Variants in AEBP2 observed in about 807,000 individuals in gnomAD.
AEBP2 encodes zinc finger protein AEBP2.
In AEBP2, 10 loss-of-function variants were observed where a neutral mutation model predicts 50.8. That is an observed-to-expected ratio of 0.20 (90% CI 0.12 to 0.33). AEBP2 has a LOEUF of 0.33. Among genes scored for constraint, AEBP2 ranks in the 10% least tolerant of loss-of-function variants. The pLI is 1.00. For missense variants in AEBP2, 570 were observed against 688.0 expected, an observed-to-expected ratio of 0.83 and a Z score of 1.92; for synonymous variants, 296 against 261.3, an observed-to-expected ratio of 1.13 and a Z score of -1.28.
chr12:19,494,558 A>G (rs535105665), intron 4 of AEBP2, among the ~76,000 whole-genome samples: 206 of 148,350 alleles, frequency 1.4e-3, no homozygotes, highest in Middle Eastern at 3.5e-3. Flanking sequence ...CCGGAGTGCA[A>G]TGGCGTGAGA....
chr12:19,494,532 C>T (rs1400756479), intron 4 of AEBP2, among the ~76,000 whole-genome samples: 4 of 135,186 alleles, frequency 3.0e-5, no homozygotes, highest in East Asian at 2.2e-4. Flanking sequence ...GATGGAGTCT[C>T]GCTCTGTCAG....
intron 1 of AEBP2, among the ~76,000 whole-genome samples, chr12:19,428,705 T>C (rs766412637): frequency 4.0e-5 from 6 of 151,722 alleles, no homozygotes; most frequent in Non-Finnish European, 8.8e-5. Flanking sequence ...TCCAGCTACT[T>C]GGGAGGGTGA....
intron 3 of AEBP2, among the ~76,000 whole-genome samples, chr12:19,488,710 G>A (rs1948851913): frequency 6.6e-6 from 1 of 151,966 alleles, no homozygotes; most frequent in African/African-American, 2.4e-5. Context: ...GTATTGCTTC[G>A]TCCAAATAAA....
chr12:19,419,957 G>C (rs73071020), intron 1 of AEBP2, among the ~76,000 whole-genome samples: 2 of 151,730 alleles, frequency 1.3e-5, no homozygotes, highest in African/African-American at 4.8e-5. Context: ...TCCTTGGTAC[G>C]GTATCTATAT....
At chr12:19,451,641 T>C (rs1948167122) in intron 1 of AEBP2, among the ~76,000 whole-genome samples, 1 of 151,888 alleles carries the variant, frequency 6.6e-6, no homozygotes, top group Admixed American at 6.6e-5. Context: ...TGCTGTATAA[T>C]AAGAGGAGTT....
intron 3 of AEBP2, among the ~76,000 whole-genome samples, chr12:19,482,822 A>T (rs961469559): frequency 2.6e-5 from 4 of 151,860 alleles, no homozygotes; most frequent in African/African-American, 9.7e-5. Flanking sequence ...TCCATAGGGG[A>T]TTTTGGCTGC....
chr12:19,467,287 T>G (rs562483906), intron 2 of AEBP2, among the ~76,000 whole-genome samples: 44 of 152,010 alleles, frequency 2.9e-4, no homozygotes, highest in Non-Finnish European at 5.9e-4. Context: ...AAAGAGAGAA[T>G]CAAACCTATC....
In AEBP2 at chr12:19,471,900, G is replaced by A. The variant is rs554165275; in HGVS notation, c.880-1348G>A. 7.2e-4 allele frequency among the ~76,000 whole-genome samples: 109 copies of A among 152,124 alleles called. No individual in the cohort carries two copies. In the Middle Eastern group the frequency reaches 0.014, roughly 19 times the overall value. The stretch of plus-strand genomic sequence containing the variant: ...TTTTAAAAGTTACTTTTAACTCTGA[G>A]AACCTTGGCCATTAGTTTATAAACA... On this transcript the variant is annotated intron_variant, in intron 2 of 7. Coordinates refer to ENST00000266508, the MANE Select transcript of AEBP2 (RefSeq NM_153207.5).
intron 3 of AEBP2, among the ~76,000 whole-genome samples, chr12:19,489,631 T>C (rs372672103): frequency 2.9e-4 from 44 of 152,256 alleles, no homozygotes; most frequent in African/African-American, 1.0e-3. Flanking sequence ...ATAAAACATA[T>C]TTGAAAACTA....
intron 3 of AEBP2, among the ~76,000 whole-genome samples, chr12:19,474,919 A>G (rs1322714465): frequency 6.6e-6 from 1 of 151,972 alleles, no homozygotes; most frequent in African/African-American, 2.4e-5. Flanking sequence ...CAGCCTCCCG[A>G]GTAGCTGGGA....
intron 5 of AEBP2, chr12:19,509,046 T>A (rs953649462): frequency 8.4e-6 from 5 of 592,288 alleles, no homozygotes; most frequent in Admixed American, 7.7e-5. Context: ...GCATGTGGCA[T>A]GTGCCCAGGC....
intron 1 of AEBP2, chr12:19,413,584 TAAAA>T (rs143959261): frequency 1.7e-6 from 1 of 600,564 alleles, no homozygotes; most frequent in Non-Finnish European, 3.0e-6. Flanking sequence ...TTATGCAAAA[TAAAA>T]AAAAAGAAAT....
At position 19,519,911 on chromosome 12, in the gene AEBP2, A is replaced by AT. The variant is rs1565742436; in HGVS notation, c.*1796dup. ...TCTGGAATGGTTGTTTAATAAGGGT[A>AT]TTATCCATTTGATCTATAGCAATGT... On this transcript the variant is annotated 3_prime_UTR_variant, in exon 8 of 8. Transcript: ENST00000266508. 6.6e-6 allele frequency: 1 copy of AT among 152,470 alleles called. No individual in the cohort carries two copies. The highest frequency in any genetic ancestry group is 1.9e-4 in the East Asian group (1 of 5,202). 9.4% of individuals were successfully genotyped at this position (152,470 alleles called of 1,614,324 possible). A position where few individuals can be genotyped will look rare whatever the true frequency, so the allele number is the denominator to read the frequency against.
chr12:19,518,217 T>C lies in AEBP2; in HGVS notation c.*100T>C. On this transcript the variant is annotated 3_prime_UTR_variant, in exon 8 of 8. Coordinates refer to ENST00000266508, the MANE Select transcript of AEBP2 (RefSeq NM_153207.5). ...AAGTTGCACATTAGAGTCAACCCCT[T>C]CTTTTTTTTTTTTTTTTTTTTAAAT... 2 of 1,294,566 alleles carry C rather than the reference T, an allele frequency of 1.5e-6. No homozygotes were observed. The highest frequency in any genetic ancestry group is 2.2e-5 in the South Asian group (1 of 46,382). 80.2% of individuals were successfully genotyped at this position (1,294,566 alleles called of 1,614,324 possible). A position where few individuals can be genotyped will look rare whatever the true frequency, so the allele number is the denominator to read the frequency against.
At chr12:19,513,860 A>G (rs1949273341) in intron 6 of AEBP2, among the ~76,000 whole-genome samples, 1 of 146,408 alleles carries the variant, frequency 6.8e-6, no homozygotes, top group South Asian at 2.2e-4. Flanking sequence ...GTAGAGTTGA[A>G]TTTCTTTGAA....
intron 3 of AEBP2, among the ~76,000 whole-genome samples, chr12:19,478,888 C>T (rs1221758042): frequency 6.6e-6 from 1 of 152,012 alleles, no homozygotes; most frequent in Non-Finnish European, 1.5e-5. Flanking sequence ...TGTGACCTAT[C>T]ATATGGTCTA....
At chr12:19,511,271 G>C (rs34753883) in intron 5 of AEBP2, among the ~76,000 whole-genome samples, 1 of 152,132 alleles carries the variant, frequency 6.6e-6, no homozygotes, top group East Asian at 1.9e-4. Context: ...TATGATAACT[G>C]TTCTTCTGTA....
At chr12:19,489,154 A>G (rs766165181) in intron 3 of AEBP2, among the ~76,000 whole-genome samples, 2 of 152,198 alleles carry the variant, frequency 1.3e-5, no homozygotes, top group Non-Finnish European at 2.9e-5. Flanking sequence ...TGTTTGTATT[A>G]GTCCGTTTTT....
At chr12:19,514,047 T>C (rs1365085037) in intron 6 of AEBP2, among the ~76,000 whole-genome samples, 1 of 151,928 alleles carries the variant, frequency 6.6e-6, no homozygotes, top group Non-Finnish European at 1.5e-5. Flanking sequence ...ACGCCCATGC[T>C]GCAGTGCAGT....
Sources: gnomAD v4.1 joint callset for allele counts (sites outside exome capture counted in the v4.1 genomes callset) on GRCh38, gnomAD v4.1.1 for gene constraint, MANE v1.5 for transcripts, NCBI Gene and HGNC (gene_info 2026-07-23, HGNC 2026-07-21) for gene names.